The following FRMD4A variants were observed in gnomAD, a reference collection of about 807,000 sequenced individuals.
The protein encoded by FRMD4A is FERM domain containing 4A.
Under a neutral mutation model 129.1 loss-of-function variants are expected in FRMD4A, and 29 were observed. The observed-to-expected ratio is 0.22, with a 90% CI of 0.17 to 0.31. FRMD4A has a LOEUF of 0.31. Ranked by LOEUF, FRMD4A falls within the 10% of genes least tolerant of loss-of-function variation. The probability of loss-of-function intolerance (pLI) is 1.00; values close to 1 mark genes in which losing one functional copy is unlikely to be tolerated. For missense variants in FRMD4A, 1,272 were observed against 1,375.8 expected (o/e 0.92, Z 1.19); for synonymous variants, 634 against 571.6 (o/e 1.11, Z -1.56).
chr10:13,655,890 G>A (rs2082098990), intron 22 of FRMD4A: 1 of 152,010 alleles, frequency 6.6e-6, no homozygotes, highest in Non-Finnish European at 1.5e-5. Flanking sequence ...ACTGCTCAAT[G>A]TTGGTCATTG....
At chr10:14,253,083 A>G (rs2132022956) in intron 2 of FRMD4A, among the ~76,000 whole-genome samples, 1 of 152,354 alleles carries the variant, frequency 6.6e-6, no homozygotes, top group East Asian at 1.9e-4. Flanking sequence ...GATTCTTTTG[A>G]CATTTATTGA....
chr10:14,047,119 T>A (rs1834023159), intron 2 of FRMD4A, among the ~76,000 whole-genome samples: 1 of 152,212 alleles, frequency 6.6e-6, no homozygotes, highest in South Asian at 2.1e-4. Flanking sequence ...TGTGCCACGA[T>A]GGCAATTCCA....
At chr10:13,972,042 T>C (rs1015533548) in intron 2 of FRMD4A, 1 of 1,158,502 alleles carries the variant, frequency 8.6e-7, no homozygotes, top group African/African-American at 1.6e-5. Context: ...CCTCCCAAAG[T>C]GTTTTCTCCT....
intron 12 of FRMD4A, among the ~76,000 whole-genome samples, chr10:13,709,925 T>A (rs1031127426): frequency 2.0e-5 from 3 of 152,052 alleles, no homozygotes; most frequent in Non-Finnish European, 4.4e-5. Flanking sequence ...GAACAGGCGG[T>A]ATTTGGTTAA....
chr10:13,763,121 C>G (rs1588605541), intron 6 of FRMD4A, among the ~76,000 whole-genome samples: 1 of 152,174 alleles, frequency 6.6e-6, no homozygotes, highest in Non-Finnish European at 1.5e-5. Context: ...TTTTACTGCT[C>G]TTAGCTGGGA....
intron 8 of FRMD4A, among the ~76,000 whole-genome samples, chr10:13,759,984 T>C (rs1334357184): frequency 1.3e-5 from 2 of 152,010 alleles, no homozygotes; most frequent in Non-Finnish European, 2.9e-5. Context: ...TGCTTGTTTA[T>C]GTATTACCCA....
intron 2 of FRMD4A, among the ~76,000 whole-genome samples, chr10:14,281,409 C>T (rs891491891): frequency 1.3e-5 from 2 of 152,356 alleles, no homozygotes; most frequent in East Asian, 1.9e-4. Flanking sequence ...GCTGTTTATG[C>T]CGCAAGGCAA....
At chr10:13,955,745 A>G (rs1393979271) in intron 2 of FRMD4A, among the ~76,000 whole-genome samples, 2 of 152,248 alleles carry the variant, frequency 1.3e-5, no homozygotes, top group African/African-American at 4.8e-5. Context: ...CTAGCGTATT[A>G]AAGGCCCTAA....
At chr10:13,909,281 T>C (rs1401860664) in intron 2 of FRMD4A, among the ~76,000 whole-genome samples, 1 of 152,274 alleles carries the variant, frequency 6.6e-6, no homozygotes, top group Admixed American at 6.5e-5. Context: ...TTGTAGTGTG[T>C]GAGATTTTCT....
chr10:13,734,885 T>TATTTA (rs1554872646), intron 12 of FRMD4A, among the ~76,000 whole-genome samples: 1 of 139,976 alleles, frequency 7.1e-6, no homozygotes, highest in Non-Finnish European at 1.6e-5. Context: ...TTTATTTATT[T>TATTTA]ATTTTTGAGA....
intron 22 of FRMD4A, 197 bp from the exon 23 acceptor site, chr10:13,654,709 C>T: frequency 1.7e-6 from 1 of 583,898 alleles, no homozygotes; most frequent in East Asian, 2.9e-5. Flanking sequence ...CATGCCCCCC[C>T]AACCTCTGCA....
chr10:14,052,062 A>G (rs1025468015), intron 2 of FRMD4A, among the ~76,000 whole-genome samples: 2 of 152,150 alleles, frequency 1.3e-5, no homozygotes, highest in Admixed American at 6.5e-5. Flanking sequence ...AGACACAGAG[A>G]GAAGAACACC....
chr10:14,068,749 CACTT>C (rs1332244422), intron 2 of FRMD4A, among the ~76,000 whole-genome samples: 3 of 152,206 alleles, frequency 2.0e-5, no homozygotes, highest in African/African-American at 7.2e-5. Context: ...CATATTAAGA[CACTT>C]ACTATATTAG....
At chr10:14,310,994 G>A (rs920371804) in intron 2 of FRMD4A, among the ~76,000 whole-genome samples, 2 of 152,080 alleles carry the variant, frequency 1.3e-5, no homozygotes, top group African/African-American at 2.4e-5. Flanking sequence ...GAAGGATGCC[G>A]CTTCACTAGC....
intron 2 of FRMD4A, among the ~76,000 whole-genome samples, chr10:14,104,877 G>T (rs973643615): frequency 6.6e-6 from 1 of 152,232 alleles, no homozygotes; most frequent in Non-Finnish European, 1.5e-5. Flanking sequence ...ATTCTGAGTT[G>T]AGTGTGGTAT....
intron 3 of FRMD4A, among the ~76,000 whole-genome samples, chr10:13,811,361 G>A (rs908494102): frequency 4.0e-5 from 6 of 149,248 alleles, no homozygotes; most frequent in African/African-American, 1.5e-4. Flanking sequence ...TCTAACTCCT[G>A]GCTTCAAGTG....
At chr10:13,706,170 AG>A (rs2087417507) in intron 13 of FRMD4A, among the ~76,000 whole-genome samples, 1 of 152,200 alleles carries the variant, frequency 6.6e-6, no homozygotes, top group South Asian at 2.1e-4. Flanking sequence ...GCTCCTCTGT[AG>A]AGTCTGATCT....
At chr10:14,162,651 T>TG (rs964933304) in intron 2 of FRMD4A, among the ~76,000 whole-genome samples, 6 of 151,000 alleles carry the variant, frequency 4.0e-5, no homozygotes, top group African/African-American at 1.5e-4. Context: ...GTTTTTTTTT[T>TG]TTTTTTTTGT....
chr10:13,952,178 T>C (rs1483614877), intron 2 of FRMD4A, among the ~76,000 whole-genome samples: 1 of 151,428 alleles, frequency 6.6e-6, no homozygotes, highest in Non-Finnish European at 1.5e-5. Context: ...ATATATGCTT[T>C]TTATTTTTAT....
Sources: allele counts gnomAD v4.1 joint callset (sites outside exome capture counted in the v4.1 genomes callset), GRCh38; gene constraint gnomAD v4.1.1; transcripts MANE v1.5; gene names NCBI Gene and HGNC (gene_info 2026-07-23, HGNC 2026-07-21).